The following ECHDC1 variants were observed in gnomAD, a reference collection of about 807,000 sequenced individuals.
ECHDC1 encodes ethylmalonyl-CoA decarboxylase.
Under a neutral mutation model 29.7 loss-of-function variants are expected in ECHDC1, and 29 were observed. That is an observed-to-expected ratio of 0.98 (90% CI 0.73 to 1.33). The LOEUF is 1.33. Ranked by LOEUF, ECHDC1 falls within the 40% of genes most tolerant of loss-of-function variation. The pLI is 0.00. For missense variants in ECHDC1, 328 were observed against 350.0 expected, an observed-to-expected ratio of 0.94 and a Z score of 0.50; for synonymous variants, 126 against 123.1, an observed-to-expected ratio of 1.02 and a Z score of -0.15.
intron 5 of ECHDC1, among the ~76,000 whole-genome samples, chr6:127,300,461 T>G (rs1780969907): frequency 1.3e-5 from 2 of 152,192 alleles, no homozygotes; most frequent in Admixed American, 1.3e-4. Context: ...GGACCCAATC[T>G]AATCATGAGA....
chr6:127,297,785 T>C (rs570335127), intron 5 of ECHDC1, among the ~76,000 whole-genome samples: 2 of 152,262 alleles, frequency 1.3e-5, no homozygotes, highest in South Asian at 4.1e-4. Context: ...CACAAATAGC[T>C]ACAGAGATGA....
At chr6:127,307,821 T>C (rs1462817615) in intron 5 of ECHDC1, among the ~76,000 whole-genome samples, 1 of 150,078 alleles carries the variant, frequency 6.7e-6, no homozygotes, top group Non-Finnish European at 1.5e-5. Flanking sequence ...ACATTATAAC[T>C]GATACTGCAG....
rs1055924 is a variant in ECHDC1 at position 127,290,359 on chromosome 6, G to A, written c.498-82C>T. On this transcript the variant is annotated intron_variant, in intron 5 of 5. Transcript: ENST00000454859. ...AAGTACTATCCATTCATGATCTGAT[G>A]TGAATTCTCCATAGATCTTTATAGG... is the stretch of plus-strand genomic sequence containing the variant. 14 of 1,389,478 alleles carry A rather than the reference G, an allele frequency of 1.0e-5. No homozygotes were observed. In the South Asian group the frequency reaches 1.7e-4, roughly 17 times the overall value. The allele number at this position is 1,389,478 out of a possible 1,614,324, so 86.1% of individuals were successfully genotyped here.
rs916232937 is a variant in ECHDC1, at chr6:127,289,115, T to G, written c.*754A>C. On this transcript the variant is annotated 3_prime_UTR_variant, in exon 6 of 6. Transcript: ENST00000454859. ...AAAAAAAAGAAATCTGATGTAAAAATGCAAATTTATGTTGCAGGATGCTTC... is the reference window on the plus strand; with the variant it reads ...AAAAAAAAGAAATCTGATGTAAAAAGGCAAATTTATGTTGCAGGATGCTTC... 1 of 152,064 alleles carries G rather than the reference T, an allele frequency of 6.6e-6. No individual in the cohort carries two copies. Among genetic ancestry groups the G allele is most frequent in the African/African-American group, 2.4e-5 (1 of 41,438 alleles). The allele number at this position is 152,064 out of a possible 1,614,324, so 9.4% of individuals were successfully genotyped here.
intron 5 of ECHDC1, among the ~76,000 whole-genome samples, chr6:127,304,541 C>G (rs1271605535): frequency 6.6e-5 from 10 of 152,094 alleles, no homozygotes; most frequent in Admixed American, 3.9e-4. Flanking sequence ...ATGTACCCAC[C>G]AAATGAACTA....
intron 5 of ECHDC1, among the ~76,000 whole-genome samples, chr6:127,296,499 T>C (rs1780608386): frequency 6.6e-6 from 1 of 151,206 alleles, no homozygotes; most frequent in African/African-American, 2.4e-5. Flanking sequence ...CAAAAAAGAA[T>C]AAAAACAAAA....
At chr6:127,330,118 G>T in intron 2 of ECHDC1, among the ~76,000 whole-genome samples, 1 of 152,168 alleles carries the variant, frequency 6.6e-6, no homozygotes, top group Non-Finnish European at 1.5e-5. Context: ...GGAGTGGTGA[G>T]TATTCAACAA....
At chr6:127,326,829 G>A (rs941522546) in intron 3 of ECHDC1, 173 bp downstream of exon 3, 4 of 617,242 alleles carry the variant, frequency 6.5e-6, no homozygotes, top group African/African-American at 5.6e-5. Context: ...AGAATCATTT[G>A]CTTGTTATAT....
In ECHDC1 at chr6:127,297,275, C is replaced by T. The variant is rs551940092; in HGVS notation, c.498-6998G>A. On this transcript the variant is annotated intron_variant, in intron 5 of 5. Transcript: ENST00000454859. ...TTCTAGTGTTTATCCTTAAGATATG[C>T]CATTAGTATTACTAAAAAGTATAGA... Among the ~76,000 whole-genome samples, 11 of 152,166 alleles carry T rather than the reference C, an allele frequency of 7.2e-5. No homozygotes were observed. In the South Asian group the frequency reaches 2.1e-3, roughly 29 times the overall value.
chr6:127,316,894 T>TA (rs34262558), intron 3 of ECHDC1, among the ~76,000 whole-genome samples: 20,211 of 152,048 alleles, frequency 0.13, 2,634 homozygotes, highest in East Asian at 0.56. Flanking sequence ...CTTTGATTTT[T>TA]AAAAAAATAT....
chr6:127,327,954 C>A (rs1303925553), intron 2 of ECHDC1, among the ~76,000 whole-genome samples: 1 of 152,164 alleles, frequency 6.6e-6, no homozygotes, highest in Non-Finnish European at 1.5e-5. Context: ...TTTTAATTTC[C>A]TCTGCCTAGG....
chr6:127,315,864 G>C, intron 4 of ECHDC1: 1 of 433,410 alleles, frequency 2.3e-6, no homozygotes, highest in Non-Finnish European at 4.7e-6. Flanking sequence ...TTTTAAATTT[G>C]TCTACATTCG....
rs907951359 is a variant in ECHDC1 at position 127,289,450 on chromosome 6, A to G, written c.*419T>C. ...CTTTCTTGTTTTCTTGTTCCCTGAT[A>G]CCTCCCCACTTTTGTTCTTTAGCAG... On this transcript the variant is annotated 3_prime_UTR_variant, in exon 6 of 6. Transcript: ENST00000454859. 6.4e-6 allele frequency: 1 copy of G among 157,182 alleles called. No individual in the cohort carries two copies. The highest frequency in any genetic ancestry group is 1.4e-5 in the Non-Finnish European group (1 of 71,340). The allele number at this position is 157,182 out of a possible 1,614,324, so 9.7% of individuals were successfully genotyped here.
chr6:127,302,640 T>C (rs932431302), intron 5 of ECHDC1, among the ~76,000 whole-genome samples: 3 of 152,092 alleles, frequency 2.0e-5, no homozygotes, highest in African/African-American at 7.2e-5. Flanking sequence ...CCTCAGGTGA[T>C]CCACCCACCT....
intron 1 of ECHDC1, among the ~76,000 whole-genome samples, chr6:127,340,555 C>A (rs1052332019): frequency 1.3e-5 from 2 of 152,196 alleles, no homozygotes; most frequent in African/African-American, 4.8e-5. Context: ...GGGAGGCCTA[C>A]ATATTCAGAG....
chr6:127,314,343 A>C (rs1450794325), intron 5 of ECHDC1, among the ~76,000 whole-genome samples: 1 of 152,152 alleles, frequency 6.6e-6, no homozygotes, highest in Non-Finnish European at 1.5e-5. Flanking sequence ...TTTAGTCCCT[A>C]ATCTTCCTGA....
At chr6:127,329,860 G>T (rs769698136) in intron 2 of ECHDC1, 10 of 455,394 alleles carry the variant, frequency 2.2e-5, no homozygotes, top group Non-Finnish European at 3.1e-5. Flanking sequence ...GTCAGCACTG[G>T]TATAGAGAAA....
chr6:127,329,529 T>C (rs1338877828), intron 2 of ECHDC1, among the ~76,000 whole-genome samples: 2 of 152,170 alleles, frequency 1.3e-5, no homozygotes, highest in African/African-American at 2.4e-5. Flanking sequence ...ACTGAACATA[T>C]AGAACTACAA....
chr6:127,343,236 G>C (rs923167801), intron 1 of ECHDC1, 100 bp downstream of exon 1: 1 of 152,206 alleles, frequency 6.6e-6, no homozygotes, highest in African/African-American at 2.4e-5. Flanking sequence ...GACACGTTTG[G>C]AGAAGCGAGC....
Sources: allele counts gnomAD v4.1 joint callset (sites outside exome capture counted in the v4.1 genomes callset), GRCh38; gene constraint gnomAD v4.1.1; transcripts MANE v1.5; gene names NCBI Gene and HGNC (gene_info 2026-07-23, HGNC 2026-07-21).